The following STK24 variants were observed in gnomAD, a reference collection of about 807,000 sequenced individuals.
STK24 encodes serine/threonine-protein kinase 24.
In STK24, 21 loss-of-function variants were observed where a neutral mutation model predicts 55.6. That is an observed-to-expected ratio of 0.38 (90% confidence interval 0.27 to 0.54). STK24 has a LOEUF of 0.54. STK24 is among the 20% of genes least tolerant of loss of function. The probability of loss-of-function intolerance (pLI) is 0.79; values close to 1 mark genes in which losing one functional copy is unlikely to be tolerated. For missense variants in STK24, 383 were observed against 538.4 expected, an observed-to-expected ratio of 0.71 and a Z score of 2.86; for synonymous variants, 200 against 215.2, an observed-to-expected ratio of 0.93 and a Z score of 0.62.
intron 2 of STK24, among the ~76,000 whole-genome samples, chr13:98,488,950 G>A (rs1476438870): frequency 6.6e-6 from 1 of 152,242 alleles, no homozygotes; most frequent in Non-Finnish European, 1.5e-5. Flanking sequence ...CAAAGGCCAA[G>A]ACCAAGAGGT....
At chr13:98,505,747 A>AAT (rs1895659403) in intron 2 of STK24, among the ~76,000 whole-genome samples, 1 of 152,228 alleles carries the variant, frequency 6.6e-6, no homozygotes, top group African/African-American at 2.4e-5. Flanking sequence ...AACACTTTCT[A>AAT]ACTAACTGCA....
At chr13:98,521,314 G>A (rs1206736384) in intron 1 of STK24, among the ~76,000 whole-genome samples, 2 of 152,102 alleles carry the variant, frequency 1.3e-5, no homozygotes, top group African/African-American at 4.8e-5. Flanking sequence ...TTCAGTCACG[G>A]CACTACATTT....
At chr13:98,563,484 G>A (rs1032198775) in intron 1 of STK24, among the ~76,000 whole-genome samples, 1 of 152,190 alleles carries the variant, frequency 6.6e-6, no homozygotes, top group East Asian at 1.9e-4. Context: ...GCAAATCTCT[G>A]TAACTCCTCT....
At chr13:98,559,005 A>C (rs1188581284) in intron 1 of STK24, among the ~76,000 whole-genome samples, 139 of 41,918 alleles carry the variant, frequency 3.3e-3, no homozygotes, top group African/African-American at 7.8e-3. Context: ...TCTCTACTAA[A>C]AAAAAAAAAA....
chr13:98,485,803 G>GA (rs200001638), intron 2 of STK24, among the ~76,000 whole-genome samples: 2,418 of 152,300 alleles, frequency 0.016, 72 homozygotes, highest in African/African-American at 0.056. Flanking sequence ...TCCAGCCGCT[G>GA]AAGGTCGGCC....
chr13:98,536,711 A>G (rs1896745665), intron 1 of STK24, among the ~76,000 whole-genome samples: 2 of 152,066 alleles, frequency 1.3e-5, no homozygotes, highest in South Asian at 2.1e-4. Flanking sequence ...CCGGCCTCCT[A>G]GTCCCCTGCA....
At chr13:98,576,667 G>A in intron 1 of STK24, 78 bp downstream of exon 1, 1 of 1,278,216 alleles carries the variant, frequency 7.8e-7, no homozygotes, top group East Asian at 3.4e-5. Context: ...GAGCGTAGGG[G>A]GACGCCGTGT....
chr13:98,472,980 GC>G (rs1566353613), intron 5 of STK24, among the ~76,000 whole-genome samples: 1 of 151,658 alleles, frequency 6.6e-6, no homozygotes. Context: ...CATGCCTTCT[GC>G]CCCGCCACTC....
intron 4 of STK24, 32 bp downstream of exon 4, chr13:98,475,217 AT>A (rs775775333): frequency 8.9e-6 from 14 of 1,565,276 alleles, no homozygotes; most frequent in Non-Finnish European, 1.1e-5. Context: ...CACCTTCAGT[AT>A]TTCAAAGGAA....
intron 1 of STK24, among the ~76,000 whole-genome samples, chr13:98,570,221 A>G (rs560251362): frequency 1.3e-5 from 2 of 152,318 alleles, no homozygotes; most frequent in South Asian, 4.1e-4. Flanking sequence ...AACAAAAACA[A>G]AAATCAACCA....
At chr13:98,553,959 G>A (rs1594665512) in intron 1 of STK24, among the ~76,000 whole-genome samples, 1 of 151,932 alleles carries the variant, frequency 6.6e-6, no homozygotes, top group Admixed American at 6.6e-5. Flanking sequence ...CTACTCCAGA[G>A]GCTGAGGCAG....
chr13:98,489,597 A>C (rs1894941914), intron 2 of STK24, among the ~76,000 whole-genome samples: 1 of 152,208 alleles, frequency 6.6e-6, no homozygotes, highest in African/African-American at 2.4e-5. Flanking sequence ...ATGCCACAAA[A>C]GACAGGGAAC....
intron 9 of STK24, among the ~76,000 whole-genome samples, chr13:98,459,602 C>A (rs1217061148): frequency 6.6e-6 from 1 of 152,240 alleles, no homozygotes; most frequent in East Asian, 1.9e-4. Flanking sequence ...TCCTATGACA[C>A]TTCCTCTCCT....
chr13:98,533,541 T>C (rs1231566537), intron 1 of STK24, among the ~76,000 whole-genome samples: 2 of 151,680 alleles, frequency 1.3e-5, no homozygotes, highest in Non-Finnish European at 2.9e-5. Flanking sequence ...TCCCAGCTAC[T>C]TGGAAGGCTG....
rs1896603420 is a variant in STK24, at chr13:98,532,383, T to C, written c.43-12910A>G. Among the ~76,000 whole-genome samples the C allele has an allele frequency of 5.3e-5, 8 of 151,816 alleles. 1 individual carries two copies. In the South Asian group the frequency reaches 1.7e-3, roughly 32 times the overall value. On this transcript the variant is annotated intron_variant, in intron 1 of 10. Coordinates refer to ENST00000539966, the MANE Select transcript of STK24 (RefSeq NM_001032296.4). ...GACTTCAGTGACTAGTAATTGATGGTGCATGCCCATCCCACATCCACCAAA... is the reference window on the plus strand; with the variant it reads ...GACTTCAGTGACTAGTAATTGATGGCGCATGCCCATCCCACATCCACCAAA...
At chr13:98,504,181 C>T (rs966420365) in intron 2 of STK24, among the ~76,000 whole-genome samples, 3 of 152,032 alleles carry the variant, frequency 2.0e-5, no homozygotes, top group African/African-American at 7.2e-5. Context: ...TCTCTCAACC[C>T]TGCAGCCTAA....
chr13:98,561,473 T>C (rs184511914), intron 1 of STK24, among the ~76,000 whole-genome samples: 25 of 151,928 alleles, frequency 1.6e-4, no homozygotes, highest in Admixed American at 5.2e-4. Context: ...TCCTAGCTAC[T>C]GGGGAGGCTG....
rs576867105 is a variant in STK24, at chr13:98,522,983, G to A, written c.43-3510C>T. Among the ~76,000 whole-genome samples, 53 of 152,258 alleles carry A rather than the reference G, an allele frequency of 3.5e-4. No individual in the cohort carries two copies. The East Asian group carries it at 9.5e-3, about 27-fold the overall frequency. ...AGAGCCGGTTAGCACTGTCATTCCC[G>A]GGAGCAGTGATTCTCAGACCTGGGT... On this transcript the variant is annotated intron_variant, in intron 1 of 10. Coordinates refer to ENST00000539966, the MANE Select transcript of STK24 (RefSeq NM_001032296.4).
chr13:98,569,040 C>G (rs954316274), intron 1 of STK24, among the ~76,000 whole-genome samples: 4 of 152,098 alleles, frequency 2.6e-5, no homozygotes, highest in African/African-American at 7.2e-5. Flanking sequence ...AACCAAGTAT[C>G]TGTCACGAGA....
Sources: allele counts gnomAD v4.1 joint callset (sites outside exome capture counted in the v4.1 genomes callset), GRCh38; gene constraint gnomAD v4.1.1; transcripts MANE v1.5; gene names NCBI Gene and HGNC (gene_info 2026-07-23, HGNC 2026-07-21).